SLC38A11: variants seen among roughly 807,000 people sequenced by gnomAD.
SLC38A11 encodes the protein putative sodium-coupled neutral amino acid transporter 11.
SLC38A11 carries 51 observed loss-of-function variants against 49.4 expected under a neutral mutation model. The ratio of observed to expected loss-of-function variants is 1.03; its 90% CI spans 0.83 to 1.30. The LOEUF (loss-of-function observed/expected upper bound fraction) is 1.30. Ranked by LOEUF, SLC38A11 falls within the 50% of genes most tolerant of loss-of-function variation. SLC38A11 has a pLI of 0.00. For missense variants in SLC38A11, 574 were observed against 556.2 expected (o/e 1.03, Z -0.32); for synonymous variants, 203 against 192.9 (o/e 1.05, Z -0.43).
chr2:164,940,000 T>G (rs1687644795), intron 5 of SLC38A11, among the ~76,000 whole-genome samples: 1 of 150,594 alleles, frequency 6.6e-6, no homozygotes, highest in Admixed American at 6.6e-5. Context: ...TAAGGTTTTT[T>G]TTTTTTTTTT....
In SLC38A11 at chr2:164,895,894, C is replaced by A. The variant is rs550937547; in HGVS notation, c.*2543G>T. 3.9e-5 allele frequency: 6 copies of A among 152,308 alleles called. No individual in the cohort carries two copies. Among genetic ancestry groups the A allele is most frequent in the African/African-American group, 1.4e-4 (6 of 41,564 alleles). The allele number at this position is 152,308 out of a possible 1,614,324, so 9.4% of individuals were successfully genotyped here. On this transcript the variant is annotated 3_prime_UTR_variant, in exon 12 of 12. Transcript: ENST00000685975. Reference sequence around the variant, plus strand: ...ACACAGATGCTATCCAACTTATATCCTTAAAGGAAGTGTATTGCTAGATGT... The same window carrying A: ...ACACAGATGCTATCCAACTTATATCATTAAAGGAAGTGTATTGCTAGATGT...
At chr2:164,935,768 A>G (rs1687328434) in intron 7 of SLC38A11, among the ~76,000 whole-genome samples, 1 of 152,192 alleles carries the variant, frequency 6.6e-6, no homozygotes. Flanking sequence ...TTGAAGCCTT[A>G]ACTCTCACTG....
In SLC38A11 at chr2:164,945,736, AG is replaced by A. The variant is rs760985835; in HGVS notation, c.230-10del. The A allele has an allele frequency of 8.7e-6, 14 of 1,600,958 alleles. No homozygotes were observed. Among genetic ancestry groups the A allele is most frequent in the African/African-American group, 1.4e-5 (1 of 74,036 alleles). The stretch of plus-strand genomic sequence containing the variant: ...TAAAACAAGGGAAAAGTCTGTGGCA[AG>A]AACATCAATTAAATGTCAGATTACA... On this transcript the variant is annotated splice_polypyrimidine_tract_variant and intron_variant, in intron 3 of 11. Coordinates refer to ENST00000685975, the MANE Select transcript of SLC38A11 (RefSeq NM_001351537.2).
intron 7 of SLC38A11, among the ~76,000 whole-genome samples, chr2:164,918,461 A>T (rs1685954416): frequency 6.6e-6 from 1 of 152,170 alleles, no homozygotes; most frequent in Admixed American, 6.5e-5. Context: ...TGGTGAGCAA[A>T]CTAATAATAA....
chr2:164,947,611 A>C (rs1278417642), intron 3 of SLC38A11, among the ~76,000 whole-genome samples: 1 of 152,186 alleles, frequency 6.6e-6, no homozygotes, highest in Non-Finnish European at 1.5e-5. Context: ...TAGGCATCTT[A>C]ATTTTAAAAT....
chr2:164,944,636 TA>T lies in SLC38A11; in HGVS notation c.365-3del. ...CTATTATATTGTAACTTATCATTGC[TA>T]AAAACATAATTAAAATAAGAGTCAT... is the stretch of plus-strand genomic sequence containing the variant. On this transcript the variant is annotated splice_region_variant and splice_polypyrimidine_tract_variant and intron_variant, in intron 4 of 11. Coordinates refer to ENST00000685975, the MANE Select transcript of SLC38A11 (RefSeq NM_001351537.2). 2 of 1,211,252 alleles carry T rather than the reference TA, an allele frequency of 1.7e-6. No homozygotes were observed. The highest frequency in any genetic ancestry group is 1.1e-6 in the Non-Finnish European group (1 of 922,210). 75.0% of individuals were successfully genotyped at this position (1,211,252 alleles called of 1,614,324 possible). A position where few individuals can be genotyped will look rare whatever the true frequency, so the allele number is the denominator to read the frequency against.
chr2:164,912,607 G>A (rs1685478993), intron 9 of SLC38A11, among the ~76,000 whole-genome samples: 1 of 152,024 alleles, frequency 6.6e-6, no homozygotes, highest in Non-Finnish European at 1.5e-5. Flanking sequence ...CAACCTTGGG[G>A]CCACAGCGAG....
At chr2:164,922,437 G>C (rs1392869797) in intron 7 of SLC38A11, 1 of 152,220 alleles carries the variant, frequency 6.6e-6, no homozygotes, top group Non-Finnish European at 1.5e-5. Flanking sequence ...TCCACTGAAG[G>C]CTCTGTCACT....
chr2:164,921,258 G>T (rs960683300), intron 7 of SLC38A11, among the ~76,000 whole-genome samples: 10 of 151,982 alleles, frequency 6.6e-5, no homozygotes, highest in Non-Finnish European at 1.0e-4. Context: ...TTGGTAGGAG[G>T]CTACTCTATT....
intron 7 of SLC38A11, among the ~76,000 whole-genome samples, chr2:164,927,939 G>A (rs1686715064): frequency 6.6e-6 from 1 of 152,066 alleles, no homozygotes; most frequent in Non-Finnish European, 1.5e-5. Flanking sequence ...GCATCAGTTA[G>A]ACATTTAATA....
chr2:164,954,478 C>G (rs1468863245), intron 2 of SLC38A11, among the ~76,000 whole-genome samples, 153 bp downstream of exon 2: 1 of 152,054 alleles, frequency 6.6e-6, no homozygotes, highest in Non-Finnish European at 1.5e-5. Flanking sequence ...TACTGTTACA[C>G]TAGAAAAAAA....
intron 7 of SLC38A11, among the ~76,000 whole-genome samples, chr2:164,917,849 C>T (rs1685905792): frequency 6.6e-6 from 1 of 151,560 alleles, no homozygotes; most frequent in African/African-American, 2.4e-5. Context: ...CCATATGGTT[C>T]CTTGGGTATA....
At chr2:164,921,792 G>A (rs540755646) in intron 7 of SLC38A11, among the ~76,000 whole-genome samples, 2 of 152,270 alleles carry the variant, frequency 1.3e-5, no homozygotes, top group South Asian at 2.1e-4. Context: ...GCAATGATTC[G>A]TGTTTCAAAA....
Position 164,937,423 on chromosome 2 carries a change from G to T in SLC38A11, c.544C>A (p.Leu182Ile). The T allele has an allele frequency of 6.2e-7, 1 of 1,603,236 alleles. No individual in the cohort carries two copies. Among genetic ancestry groups the T allele is most frequent in the South Asian group, 1.1e-5 (1 of 90,472 alleles). Reference protein sequence around the residue: ...RNIAKLGKVSLISTGLTTLIL... With the variant: ...RNIAKLGKVSIISTGLTTLIL... ...AGAGTTGTTAAACCTGTAGAGATGA[G>T]GGAGACCTGTAAAAGAAAATACAAG... Residue 182 changes from leucine to isoleucine, a missense_variant, in exon 7 of 12, where the codon CTC (leucine) becomes ATC (isoleucine). Physicochemically the swap from Leu to Ile is conservative, Grantham distance 5. Coordinates refer to ENST00000685975, the MANE Select transcript of SLC38A11 (RefSeq NM_001351537.2).
intron 7 of SLC38A11, among the ~76,000 whole-genome samples, chr2:164,924,716 A>C (rs541395274): frequency 1.3e-5 from 2 of 151,890 alleles, no homozygotes; most frequent in East Asian, 1.9e-4. Flanking sequence ...CTGAAATATA[A>C]ATTTTATTTA....
chr2:164,941,356 A>G (rs958724176), intron 5 of SLC38A11, among the ~76,000 whole-genome samples: 1 of 152,140 alleles, frequency 6.6e-6, no homozygotes, highest in Non-Finnish European at 1.5e-5. Flanking sequence ...CTACTTGTCA[A>G]TTTAAGACAT....
At chr2:164,921,373 A>T (rs12104730) in intron 7 of SLC38A11, among the ~76,000 whole-genome samples, 2,232 of 152,228 alleles carry the variant, frequency 0.015, 53 homozygotes, top group African/African-American at 0.051. Context: ...CTGTAACCCC[A>T]GGCAGTGGTG....
intron 3 of SLC38A11, among the ~76,000 whole-genome samples, chr2:164,951,806 G>T (rs1259567221): frequency 6.6e-6 from 1 of 152,108 alleles, no homozygotes. Context: ...CAGTGGTGGA[G>T]CCCTGGAGCT....
chr2:164,927,432 T>C (rs151017171), intron 7 of SLC38A11, among the ~76,000 whole-genome samples: 118 of 152,328 alleles, frequency 7.7e-4, no homozygotes, highest in African/African-American at 2.8e-3. Flanking sequence ...TTGGTAAAAC[T>C]ATGATAAAAT....
Sources: gnomAD v4.1 joint callset for allele counts (sites outside exome capture counted in the v4.1 genomes callset) on GRCh38, gnomAD v4.1.1 for gene constraint, MANE v1.5 for transcripts, NCBI Gene and HGNC (gene_info 2026-07-23, HGNC 2026-07-21) for gene names.